Variants in UBE3C observed in about 807,000 individuals in gnomAD.
The protein encoded by UBE3C is ubiquitin-protein ligase E3C.
UBE3C carries 42 observed loss-of-function variants against 129.4 expected under a neutral mutation model. The observed-to-expected ratio is 0.32, with a 90% CI of 0.25 to 0.42. The LOEUF is 0.42. UBE3C is among the 10% of genes least tolerant of loss of function. UBE3C has a pLI of 1.00. For synonymous variants in UBE3C, 510 were observed against 492.4 expected (o/e 1.04, Z -0.47); for missense variants, 1,049 against 1,319.1 (o/e 0.80, Z 3.17).
At chr7:157,189,903 C>T (rs964333149) in intron 10 of UBE3C, among the ~76,000 whole-genome samples, 7 of 152,108 alleles carry the variant, frequency 4.6e-5, no homozygotes, top group Non-Finnish European at 7.4e-5. Flanking sequence ...AGGGTTCAAG[C>T]GATCCTCCTA....
In UBE3C at chr7:157,249,369, G is replaced by A. The variant is rs186250694; in HGVS notation, c.2694+789G>A. 3.3e-3 allele frequency among the ~76,000 whole-genome samples: 497 copies of A among 151,894 alleles called. 3 individuals carry two copies. The highest frequency in any genetic ancestry group is 0.011 in the African/African-American group (473 of 41,436). The stretch of plus-strand genomic sequence containing the variant: ...TCACTCTTGTTGCCCAGGCTGGAGT[G>A]CAGTGGCGCAATCTCGGCTCACCAC... On this transcript the variant is annotated intron_variant, in intron 19 of 22. Coordinates refer to ENST00000348165, the MANE Select transcript of UBE3C (RefSeq NM_014671.3).
chr7:157,146,356 C>G (rs569615912), intron 1 of UBE3C, among the ~76,000 whole-genome samples: 1 of 152,028 alleles, frequency 6.6e-6, no homozygotes. Flanking sequence ...CTCAGCCTAC[C>G]GAGTAGCTAG....
intron 18 of UBE3C, among the ~76,000 whole-genome samples, chr7:157,243,563 C>T (rs1204510221): frequency 6.6e-6 from 1 of 152,180 alleles, no homozygotes; most frequent in Non-Finnish European, 1.5e-5. Flanking sequence ...AGGCCCACGG[C>T]CTGGCCCCTC....
intron 4 of UBE3C, among the ~76,000 whole-genome samples, chr7:157,171,484 T>C (rs910516874): frequency 4.6e-5 from 7 of 151,652 alleles, no homozygotes; most frequent in Admixed American, 2.6e-4. Context: ...CTCTAAAATT[T>C]TGTAGGCTGT....
Position 157,163,827 on chromosome 7 carries a change from T to C in UBE3C, c.84T>C (p.Leu28=), listed in dbSNP as rs756213887. The C allele has an allele frequency of 1.2e-6, 2 of 1,613,628 alleles. No individual in the cohort carries two copies. The change falls in exon 2 of 23, where the codon CTT becomes CTC. Residue 28 remains leucine (L), a synonymous_variant. Coordinates refer to ENST00000348165, the MANE Select transcript of UBE3C (RefSeq NM_014671.3). The part of the protein sequence containing the change: ...GASRKEEKAS[L]LHRTQEERRK... ...GGGTGTAGGAGGAAAAGGCTTCTCTTTTACATCGTACTCAGGAAGAAAGAA... is the reference window on the plus strand; with the variant it reads ...GGGTGTAGGAGGAAAAGGCTTCTCTCTTACATCGTACTCAGGAAGAAAGAA...
chr7:157,178,977 T>C, intron 6 of UBE3C, 130 bp downstream of exon 6: 1 of 1,159,774 alleles, frequency 8.6e-7, no homozygotes, highest in Non-Finnish European at 1.2e-6. Flanking sequence ...AGACGCCTTG[T>C]GCTCCATCCA....
At chr7:157,139,430 C>A in intron 1 of UBE3C, 92 bp downstream of exon 1, 2 of 1,191,440 alleles carry the variant, frequency 1.7e-6, no homozygotes, top group South Asian at 1.9e-5. Context: ...GGGCTGGACT[C>A]GGGGCCGAGA....
intron 9 of UBE3C, among the ~76,000 whole-genome samples, chr7:157,184,348 C>T (rs1358637380): frequency 6.6e-6 from 1 of 152,138 alleles, no homozygotes; most frequent in African/African-American, 2.4e-5. Flanking sequence ...TCAAAAAGAT[C>T]CTTTTTACCC....
intron 11 of UBE3C, among the ~76,000 whole-genome samples, chr7:157,205,047 A>G (rs963467183): frequency 6.6e-6 from 1 of 152,200 alleles, no homozygotes; most frequent in African/African-American, 2.4e-5. Flanking sequence ...TTATGTGTGA[A>G]TCAGTGTCTT....
rs1339258145 is a variant in UBE3C, at chr7:157,231,225, G to A, written c.2379G>A (p.Lys793=). 6.2e-7 allele frequency: 1 copy of A among 1,614,142 alleles called. No individual in the cohort carries two copies. The highest frequency in any genetic ancestry group is 1.1e-5 in the South Asian group (1 of 91,076). Residue 793 remains lysine, a synonymous_variant, in exon 18 of 23, where the codon AAG becomes AAA. Transcript: ENST00000348165. ...TTAACCCCAACCAGGGGTTCTTTAA[G>A]ACTACTAATGAAGGGCTTCTGTACC... The part of the protein sequence containing the change: ...SGFNPNQGFF[K]TTNEGLLYPN...
intron 4 of UBE3C, among the ~76,000 whole-genome samples, chr7:157,174,006 A>G (rs1330241867): frequency 2.0e-5 from 3 of 152,234 alleles, no homozygotes; most frequent in Non-Finnish European, 4.4e-5. Flanking sequence ...AATGTCGAAG[A>G]AACTACTTAA....
chr7:157,242,860 G>A (rs745577981), intron 18 of UBE3C, among the ~76,000 whole-genome samples: 2 of 152,014 alleles, frequency 1.3e-5, no homozygotes, highest in Non-Finnish European at 2.9e-5. Flanking sequence ...TTCTAGACCA[G>A]CCTGACCAAC....
chr7:157,151,683 A>G (rs1379159540), intron 1 of UBE3C, among the ~76,000 whole-genome samples: 3 of 152,304 alleles, frequency 2.0e-5, no homozygotes, highest in East Asian at 1.9e-4. Flanking sequence ...TTTTGTAACA[A>G]TGCAAATTCA....
intron 15 of UBE3C, chr7:157,221,094 A>G (rs1470496058): frequency 2.1e-5 from 5 of 243,388 alleles, no homozygotes; most frequent in Non-Finnish European, 4.1e-5. Context: ...GTGTGGGTTG[A>G]TTGTTCCCTC....
intron 4 of UBE3C, among the ~76,000 whole-genome samples, chr7:157,171,660 TTA>T (rs201782129): frequency 0.016 from 1,060 of 67,838 alleles, 39 homozygotes; most frequent in South Asian, 0.023. Context: ...TTTAAATATT[TTA>T]TATATATATA....
At chr7:157,231,774 C>A (rs1334253554) in intron 18 of UBE3C, 2 of 161,036 alleles carry the variant, frequency 1.2e-5, no homozygotes, top group Non-Finnish European at 2.7e-5. Flanking sequence ...GGCCTTCCAG[C>A]TATAAGAAAT....
At chr7:157,263,290 C>G (rs1796970295) in intron 22 of UBE3C, 1 of 136,622 alleles carries the variant, frequency 7.3e-6, no homozygotes, top group Non-Finnish European at 1.6e-5. Flanking sequence ...GCCACCTTCC[C>G]CGGGCGCCTG....
Position 157,147,893 on chromosome 7 carries a change from T to C in UBE3C, c.66+8555T>C, listed in dbSNP as rs76022699. 3.3e-3 allele frequency among the ~76,000 whole-genome samples: 509 copies of C among 152,338 alleles called. 2 individuals carry two copies. Among genetic ancestry groups the C allele is most frequent in the African/African-American group, 0.011 (473 of 41,574 alleles). On this transcript the variant is annotated intron_variant, in intron 1 of 22. Transcript: ENST00000348165. ...TTGCGTATCTGGAATAAATCCCACT[T>C]GACTGTGATGCATAATTCTTTGTAT...
At chr7:157,208,790 G>A (rs1223163721) in intron 13 of UBE3C, among the ~76,000 whole-genome samples, 1 of 152,130 alleles carries the variant, frequency 6.6e-6, no homozygotes, top group Admixed American at 6.5e-5. Flanking sequence ...TAACTGTTGG[G>A]ATGGAAAAAA....
Sources: gnomAD v4.1 joint callset for allele counts (sites outside exome capture counted in the v4.1 genomes callset) on GRCh38, gnomAD v4.1.1 for gene constraint, MANE v1.5 for transcripts, NCBI Gene and HGNC (gene_info 2026-07-23, HGNC 2026-07-21) for gene names.